The following CELF4 variants were observed in gnomAD, a reference collection of about 807,000 sequenced individuals.
CELF4 encodes CUG-BP- and ETR-3-like factor 4.
Under a neutral mutation model 59.9 loss-of-function variants are expected in CELF4, and 18 were observed. That is an observed-to-expected ratio of 0.30 (90% confidence interval 0.21 to 0.45). The LOEUF is 0.45. Among genes scored for constraint, CELF4 ranks in the 20% least tolerant of loss-of-function variants. The probability of loss-of-function intolerance (pLI) is 1.00; values close to 1 mark genes in which losing one functional copy is unlikely to be tolerated. For synonymous variants in CELF4, 261 were observed against 267.1 expected (o/e 0.98, Z 0.22); for missense variants, 456 against 689.0 (o/e 0.66, Z 3.79).
chr18:37,528,753 C>T (rs1420994670), intron 1 of CELF4, among the ~76,000 whole-genome samples: 3 of 152,068 alleles, frequency 2.0e-5, no homozygotes, highest in Non-Finnish European at 2.9e-5. Context: ...CCCCTTTGCA[C>T]GTGTTACTGA....
At chr18:37,512,987 G>A (rs1388024689) in intron 1 of CELF4, among the ~76,000 whole-genome samples, 1 of 152,188 alleles carries the variant, frequency 6.6e-6, no homozygotes, top group Non-Finnish European at 1.5e-5. Flanking sequence ...GAATTTTGAG[G>A]AGTGTGGGGT....
chr18:37,273,450 A>G, intron 6 of CELF4: 3 of 1,148,244 alleles, frequency 2.6e-6, no homozygotes, highest in Admixed American at 4.3e-5. Context: ...GGTGCTAGTC[A>G]GCCCTGTGTA....
intron 2 of CELF4, among the ~76,000 whole-genome samples, chr18:37,427,095 G>A (rs2099619308): frequency 2.0e-5 from 3 of 151,852 alleles, no homozygotes; most frequent in South Asian, 2.1e-4. Flanking sequence ...AGCATAGAGC[G>A]CAGTCTGGCG....
intron 2 of CELF4, among the ~76,000 whole-genome samples, chr18:37,438,385 CTG>C: frequency 6.6e-6 from 1 of 152,276 alleles, no homozygotes; most frequent in African/African-American, 2.4e-5. Flanking sequence ...ATGTAGAAGA[CTG>C]GGATGTGATC....
At chr18:37,456,543 A>G (rs1390512917) in intron 2 of CELF4, among the ~76,000 whole-genome samples, 1 of 152,178 alleles carries the variant, frequency 6.6e-6, no homozygotes, top group African/African-American at 2.4e-5. Context: ...CAGATCCATG[A>G]TGAACATGAC....
intron 1 of CELF4, among the ~76,000 whole-genome samples, chr18:37,514,537 A>G (rs1219353642): frequency 1.3e-5 from 2 of 152,202 alleles, no homozygotes; most frequent in Non-Finnish European, 2.9e-5. Flanking sequence ...AGAGCAAAGC[A>G]GACACATGAA....
chr18:37,445,701 CTT>C (rs2099746278), intron 2 of CELF4, among the ~76,000 whole-genome samples: 1 of 152,086 alleles, frequency 6.6e-6, no homozygotes, highest in South Asian at 2.1e-4. Context: ...GAAGGCAACT[CTT>C]TCCAAAAGAG....
chr18:37,336,000 G>C (rs907826770), intron 2 of CELF4, among the ~76,000 whole-genome samples: 3 of 152,102 alleles, frequency 2.0e-5, no homozygotes, highest in Non-Finnish European at 4.4e-5. Flanking sequence ...CTCTATTCCA[G>C]CCATTCATAC....
intron 1 of CELF4, among the ~76,000 whole-genome samples, chr18:37,512,528 C>A (rs953249493): frequency 1.1e-4 from 16 of 150,416 alleles, no homozygotes; most frequent in Non-Finnish European, 1.8e-4. Flanking sequence ...TCTTCCTTTT[C>A]TTCCTACTCC....
intron 2 of CELF4, among the ~76,000 whole-genome samples, chr18:37,415,020 G>C (rs1159701258): frequency 6.6e-6 from 1 of 152,226 alleles, no homozygotes; most frequent in Non-Finnish European, 1.5e-5. Context: ...CAGTCTACTA[G>C]GGAAGATGGT....
At chr18:37,476,705 A>T (rs1223096613) in intron 2 of CELF4, among the ~76,000 whole-genome samples, 1 of 152,152 alleles carries the variant, frequency 6.6e-6, no homozygotes, top group Admixed American at 6.5e-5. Flanking sequence ...CCTAAAACAC[A>T]TCCATCCCGG....
At chr18:37,306,699 T>A (rs1177723578) in intron 3 of CELF4, among the ~76,000 whole-genome samples, 2 of 152,114 alleles carry the variant, frequency 1.3e-5, no homozygotes, top group East Asian at 3.9e-4. Context: ...GTGGCCCCGA[T>A]GGCATGCCGT....
chr18:37,243,295 G>A lies in CELF4; in HGVS notation c.*1947C>T, dbSNP rs1391560470. ...ACAAAATTGACAGAAAGAAAGGAAA[G>A]GCAGGAGGCCCTAGAGGAACTGGAA... On this transcript the variant is annotated 3_prime_UTR_variant, in exon 13 of 13. Transcript: ENST00000420428. 6.8e-6 allele frequency: 1 copy of A among 148,080 alleles called. No individual in the cohort carries two copies. Among genetic ancestry groups the A allele is most frequent in the East Asian group, 2.0e-4 (1 of 5,016 alleles). The allele number at this position is 148,080 out of a possible 1,614,324, so 9.2% of individuals were successfully genotyped here.
intron 1 of CELF4, among the ~76,000 whole-genome samples, chr18:37,505,532 T>C (rs1248381160): frequency 6.6e-6 from 1 of 151,640 alleles, no homozygotes; most frequent in Non-Finnish European, 1.5e-5. Flanking sequence ...CCAGGTGGGG[T>C]GATTGTGGGG....
intron 2 of CELF4, among the ~76,000 whole-genome samples, chr18:37,358,297 C>T (rs73427278): frequency 1.6e-3 from 237 of 152,222 alleles, no homozygotes; most frequent in African/African-American, 4.9e-3. Flanking sequence ...GTTTTAAAAA[C>T]GGGAGTTTTT....
Position 37,307,167 on chromosome 18 carries a change from C to T in CELF4, c.448+14636G>A, listed in dbSNP as rs559295858. 4.6e-5 allele frequency among the ~76,000 whole-genome samples: 7 copies of T among 152,264 alleles called. No individual in the cohort carries two copies. The East Asian group carries it at 9.7e-4, about 21-fold the overall frequency. On this transcript the variant is annotated intron_variant, in intron 3 of 12. Coordinates refer to ENST00000420428, the MANE Select transcript of CELF4 (RefSeq NM_020180.4). ...CCTGGTTGTCCCCCAGGGTGCTCCC[C>T]GCCCACCTGGCTGTGAGGGTCAGTG...
intron 2 of CELF4, among the ~76,000 whole-genome samples, chr18:37,413,782 C>G (rs1343009694): frequency 6.6e-6 from 1 of 152,222 alleles, no homozygotes. Flanking sequence ...AGGAGCCTAT[C>G]ATCCTCCCTT....
intron 2 of CELF4, among the ~76,000 whole-genome samples, chr18:37,435,236 G>C (rs1302467249): frequency 6.6e-6 from 1 of 152,164 alleles, no homozygotes; most frequent in Non-Finnish European, 1.5e-5. Context: ...TACTTTCTCT[G>C]TGAGCATCTA....
At chr18:37,392,452 CTG>C (rs1348533749) in intron 2 of CELF4, among the ~76,000 whole-genome samples, 2 of 152,196 alleles carry the variant, frequency 1.3e-5, no homozygotes, top group Non-Finnish European at 2.9e-5. Context: ...CACACTGGAT[CTG>C]ACCGCTGACC....
Sources: allele counts gnomAD v4.1 joint callset (sites outside exome capture counted in the v4.1 genomes callset), GRCh38; gene constraint gnomAD v4.1.1; transcripts MANE v1.5; gene names NCBI Gene and HGNC (gene_info 2026-07-23, HGNC 2026-07-21).